The following STARD10 variants were observed in gnomAD, a reference collection of about 807,000 sequenced individuals.
STARD10 encodes START domain-containing protein 10.
A neutral mutation model predicts 36.0 loss-of-function variants in STARD10; 24 were observed. The observed-to-expected ratio is 0.67, with a 90% CI of 0.48 to 0.94. STARD10 has a LOEUF of 0.94. Among genes scored for constraint, STARD10 ranks in the 40% least tolerant of loss-of-function variants. The pLI is 0.00. For missense variants in STARD10, 335 were observed against 396.6 expected (o/e 0.84, Z 1.32); for synonymous variants, 156 against 161.9 (o/e 0.96, Z 0.28).
intron 6 of STARD10, 161 bp from the exon 7 acceptor site, chr11:72,755,303 ATTCTT>A: frequency 2.1e-6 from 1 of 483,492 alleles, no homozygotes; most frequent in African/African-American, 3.0e-5. Flanking sequence ...TCCATTCTCC[ATTCTT>A]TTTTTTTTTT....
At chr11:72,782,155 C>CA (rs1416960759) in intron 1 of STARD10, 6 of 152,468 alleles carry the variant, frequency 3.9e-5, no homozygotes, top group Non-Finnish European at 8.8e-5. Context: ...CAACAACCTA[C>CA]AGTATTTACA....
chr11:72,788,355 T>C (rs1307590795), intron 1 of STARD10, among the ~76,000 whole-genome samples: 1 of 152,088 alleles, frequency 6.6e-6, no homozygotes, highest in Non-Finnish European at 1.5e-5. Flanking sequence ...CGTGTGTGAG[T>C]GACAACCTAC....
At chr11:72,758,100 A>G (rs780160818) in intron 4 of STARD10, among the ~76,000 whole-genome samples, 8 of 152,310 alleles carry the variant, frequency 5.3e-5, no homozygotes, top group Non-Finnish European at 1.2e-4. Flanking sequence ...TCCCCTCAGA[A>G]AAGCCCCCAG....
At chr11:72,774,751 T>C (rs1352914272) in intron 2 of STARD10, among the ~76,000 whole-genome samples, 1 of 152,174 alleles carries the variant, frequency 6.6e-6, no homozygotes, top group Non-Finnish European at 1.5e-5. Context: ...GGGAACAAAC[T>C]GGAACAGCCC....
At chr11:72,782,828 G>T (rs1243893847) in intron 1 of STARD10, among the ~76,000 whole-genome samples, 1 of 152,204 alleles carries the variant, frequency 6.6e-6, no homozygotes, top group African/African-American at 2.4e-5. Flanking sequence ...AGGCCAGGGT[G>T]AGTGTGGCAG....
chr11:72,781,218 C>A lies in STARD10; in HGVS notation c.-37G>T, dbSNP rs560365293. ...GGAGGCCCAGGGCCCTGGTCCTAGT[C>A]CGGCTCTCCTGGGTCCTCCGCGGAG... On this transcript the variant is annotated 5_prime_UTR_variant, in exon 2 of 7. Transcript: ENST00000334805. This position sits in a 1 kb window ranked among gnomAD's most constrained non-coding sequence, Gnocchi z 4.7. 3.5e-5 allele frequency: 55 copies of A among 1,582,268 alleles called. No individual in the cohort carries two copies. Among genetic ancestry groups the A allele is most frequent in the Non-Finnish European group, 4.5e-5 (52 of 1,163,802 alleles).
intron 2 of STARD10, among the ~76,000 whole-genome samples, chr11:72,762,713 G>A (rs969968969): frequency 6.6e-6 from 1 of 152,162 alleles, no homozygotes; most frequent in Non-Finnish European, 1.5e-5. Context: ...CCATGGGCTG[G>A]GTCGGGGGAT....
At chr11:72,769,098 G>T (rs1461319186) in intron 2 of STARD10, among the ~76,000 whole-genome samples, 1 of 152,198 alleles carries the variant, frequency 6.6e-6, no homozygotes, top group Non-Finnish European at 1.5e-5. Flanking sequence ...TAAAGGGCTG[G>T]GGGGTGGAGG....
chr11:72,771,380 A>G (rs561449678), intron 2 of STARD10, among the ~76,000 whole-genome samples: 2 of 152,244 alleles, frequency 1.3e-5, no homozygotes, highest in South Asian at 4.2e-4. Context: ...TGTGGGCCCA[A>G]TGCAGGGTCT....
intron 2 of STARD10, chr11:72,780,135 G>A (rs1384892424): frequency 9.1e-6 from 4 of 438,674 alleles, no homozygotes; most frequent in Non-Finnish European, 1.9e-5. Context: ...TGTGTTGGGG[G>A]CAGCTATTGA....
chr11:72,763,461 A>G (rs987600932), intron 2 of STARD10, among the ~76,000 whole-genome samples: 5 of 152,224 alleles, frequency 3.3e-5, no homozygotes, highest in Middle Eastern at 3.2e-3. Flanking sequence ...AGTTGCTGTC[A>G]GGTGTTGCCT....
At chr11:72,785,032 G>C (rs888896201) in intron 1 of STARD10, among the ~76,000 whole-genome samples, 1 of 152,142 alleles carries the variant, frequency 6.6e-6, no homozygotes, top group Non-Finnish European at 1.5e-5. Context: ...TCCTGCAACC[G>C]GGGAAGGGAG....
intron 2 of STARD10, among the ~76,000 whole-genome samples, chr11:72,769,888 G>T (rs1018936082): frequency 2.0e-5 from 3 of 152,186 alleles, no homozygotes; most frequent in Non-Finnish European, 2.9e-5. Context: ...CCGAGCAGGG[G>T]TGGCCACTGA....
chr11:72,789,955 A>C (rs1230400203), intron 1 of STARD10, among the ~76,000 whole-genome samples: 2 of 152,112 alleles, frequency 1.3e-5, no homozygotes, highest in Non-Finnish European at 2.9e-5. Context: ...CACTCCTCTG[A>C]GCCTGCTTTG....
chr11:72,756,672 C>T (rs997645569), intron 5 of STARD10, among the ~76,000 whole-genome samples: 1 of 151,996 alleles, frequency 6.6e-6, no homozygotes, highest in Non-Finnish European at 1.5e-5. Flanking sequence ...TGGGACAGGG[C>T]TTAGGCTTTT....
chr11:72,793,802 G>A lies in STARD10; in HGVS notation c.-1041C>T, dbSNP rs1859181332. ...GCCCAGAGGTCCCGGACTAGGGGCG[G>A]ACTAGGGGCCGCTCTGCCTCCCGCC... On this transcript the variant is annotated 5_prime_UTR_variant, in exon 1 of 7. Transcript: ENST00000334805. 1.3e-5 allele frequency: 2 copies of A among 152,314 alleles called. No individual in the cohort carries two copies. Among genetic ancestry groups the A allele is most frequent in the African/African-American group, 4.8e-5 (2 of 41,562 alleles). 9.4% of individuals were successfully genotyped at this position (152,314 alleles called of 1,614,324 possible). A position where few individuals can be genotyped will look rare whatever the true frequency, so the allele number is the denominator to read the frequency against.
Position 72,757,774 on chromosome 11 carries a change from G to A in STARD10, c.570C>T (p.Asp190=), listed in dbSNP as rs752693754. 2.5e-5 allele frequency: 41 copies of A among 1,613,840 alleles called. No homozygotes were observed. The highest frequency in any genetic ancestry group is 3.3e-5 in the Non-Finnish European group (39 of 1,179,946). Residue 190 remains aspartate, a synonymous_variant, in exon 5 of 7, where the codon GAC becomes GAT. Transcript: ENST00000334805. ...SCVITYLAQV[D]PKGSLPKWVV... is the part of the protein sequence containing the mutation. ...CCAGGGCCAAGCCCTCACCTTTGGG[G>A]TCCACCTGGGCCAGGTAGGTGATGA...
intron 2 of STARD10, among the ~76,000 whole-genome samples, chr11:72,776,267 C>A (rs1858929405): frequency 1.3e-5 from 2 of 152,198 alleles, no homozygotes; most frequent in Admixed American, 1.3e-4. Context: ...ACAGCCTCTA[C>A]AGACCACCTG....
chr11:72,790,854 CT>C (rs1859133348), intron 1 of STARD10, among the ~76,000 whole-genome samples: 1 of 152,238 alleles, frequency 6.6e-6, no homozygotes, highest in South Asian at 2.1e-4. Flanking sequence ...CCTCCCTTGA[CT>C]TTCAGAAATG....
Sources: allele counts gnomAD v4.1 joint callset (sites outside exome capture counted in the v4.1 genomes callset), GRCh38; gene constraint gnomAD v4.1.1; non-coding constraint Gnocchi (gnomAD v3.1); transcripts MANE v1.5; gene names NCBI Gene and HGNC (gene_info 2026-07-23, HGNC 2026-07-21).